BLMH: variants seen among roughly 807,000 people sequenced by gnomAD.
The protein encoded by BLMH is BLM hydrolase.
A neutral mutation model predicts 61.6 loss-of-function variants in BLMH; 32 were observed. The observed-to-expected ratio is 0.52, with a 90% CI of 0.39 to 0.70. BLMH has a LOEUF of 0.70. BLMH is among the 30% of genes least tolerant of loss of function. The probability of loss-of-function intolerance (pLI) is 0.00; values close to 1 mark genes in which losing one functional copy is unlikely to be tolerated. For synonymous variants in BLMH, 183 were observed against 193.8 expected (o/e 0.94, Z 0.46); for missense variants, 460 against 555.5 (o/e 0.83, Z 1.73).
chr17:30,291,838 CG>C lies in BLMH; in HGVS notation c.-20del. The C allele has an allele frequency of 9.0e-6, 12 of 1,336,606 alleles. No individual in the cohort carries two copies. The highest frequency in any genetic ancestry group is 1.1e-5 in the Non-Finnish European group (12 of 1,047,918). The allele number at this position is 1,336,606 out of a possible 1,614,324, so 82.8% of individuals were successfully genotyped here. ...TGCTCATGGCGCCCACGCTGCCCGGCGGGGTAACGGTAGCTTCCAGGGTCCT... is the reference window on the plus strand; with the variant it reads ...TGCTCATGGCGCCCACGCTGCCCGGCGGGTAACGGTAGCTTCCAGGGTCCT... On this transcript the variant is annotated 5_prime_UTR_variant, in exon 1 of 12. Coordinates refer to ENST00000261714, the MANE Select transcript of BLMH (RefSeq NM_000386.4).
intron 1 of BLMH, 47 bp from the exon 2 acceptor site, chr17:30,291,555 G>A: frequency 6.3e-7 from 1 of 1,598,612 alleles, no homozygotes; most frequent in Non-Finnish European, 8.6e-7. Flanking sequence ...AGGGGGAAAG[G>A]GCTGATCTGG....
intron 11 of BLMH, among the ~76,000 whole-genome samples, chr17:30,253,412 T>C (rs1907724016): frequency 6.6e-6 from 1 of 152,222 alleles, no homozygotes; most frequent in African/African-American, 2.4e-5. Flanking sequence ...TATGAGTTCT[T>C]TGGGGACCCA....
rs966659125 is a variant in BLMH at position 30,262,796 on chromosome 17, A to C, written c.1216+4089T>G. Among the ~76,000 whole-genome samples the C allele has an allele frequency of 9.8e-5, 15 of 152,320 alleles. No homozygotes were observed. The East Asian group carries it at 1.2e-3, about 12-fold the overall frequency. On this transcript the variant is annotated intron_variant, in intron 11 of 11. Coordinates refer to ENST00000261714, the MANE Select transcript of BLMH (RefSeq NM_000386.4). ...GGCAACAGAGCAAGACTCCGTCTCA[A>C]AAAAGCAAAAACAAAACAAAACAAA... is the stretch of plus-strand genomic sequence containing the variant.
chr17:30,263,385 T>C (rs1908015562), intron 11 of BLMH, among the ~76,000 whole-genome samples: 1 of 152,242 alleles, frequency 6.6e-6, no homozygotes, highest in East Asian at 1.9e-4. Context: ...AAATGAAAGA[T>C]AATATATCAA....
At chr17:30,259,515 G>T (rs371218046) in intron 11 of BLMH, among the ~76,000 whole-genome samples, 2 of 152,120 alleles carry the variant, frequency 1.3e-5, no homozygotes, top group Non-Finnish European at 2.9e-5. Context: ...CCCACTGAGG[G>T]GAGGTACTCC....
At chr17:30,265,609 A>G (rs1283347899) in intron 11 of BLMH, among the ~76,000 whole-genome samples, 1 of 152,122 alleles carries the variant, frequency 6.6e-6, no homozygotes, top group Non-Finnish European at 1.5e-5. Flanking sequence ...TTGTTTCCAA[A>G]TATCTCTGAA....
intron 11 of BLMH, among the ~76,000 whole-genome samples, chr17:30,266,050 C>CT (rs779654540): frequency 6.6e-6 from 1 of 152,120 alleles, no homozygotes; most frequent in African/African-American, 2.4e-5. Flanking sequence ...TAAGTTATGA[C>CT]TTCTCCCTAG....
intron 2 of BLMH, among the ~76,000 whole-genome samples, 182 bp from the exon 3 acceptor site, chr17:30,289,664 C>G (rs534918954): frequency 6.6e-6 from 1 of 152,228 alleles, no homozygotes; most frequent in Non-Finnish European, 1.5e-5. Flanking sequence ...AATATATATG[C>G]AAAGGTTTAA....
intron 6 of BLMH, among the ~76,000 whole-genome samples, chr17:30,283,267 T>C (rs188935119): frequency 1.4e-4 from 22 of 152,230 alleles, no homozygotes; most frequent in African/African-American, 5.3e-4. Context: ...TTTGGTAAAG[T>C]TGGATCTACT....
chr17:30,272,679 T>C (rs1194143870), intron 8 of BLMH, 51 bp from the exon 9 acceptor site: 1 of 1,613,978 alleles, frequency 6.2e-7, no homozygotes, highest in African/African-American at 1.3e-5. Context: ...CATCTTCCTA[T>C]TATACCAAAG....
At chr17:30,271,032 A>T (rs1188978788) in intron 10 of BLMH, among the ~76,000 whole-genome samples, 1 of 152,232 alleles carries the variant, frequency 6.6e-6, no homozygotes, top group African/African-American at 2.4e-5. Flanking sequence ...AAAGTTACAG[A>T]AACAGTTACT....
chr17:30,287,039 G>A (rs143082397), intron 4 of BLMH, 137 bp from the exon 5 acceptor site: 2 of 591,980 alleles, frequency 3.4e-6, no homozygotes, highest in African/African-American at 3.8e-5. Flanking sequence ...ATGAAGCAGG[G>A]TTTTTTGTTT....
chr17:30,271,276 C>A lies in BLMH; in HGVS notation c.1141G>T (p.Glu381Ter), dbSNP rs137881719. 420 of 1,610,190 alleles carry A rather than the reference C, an allele frequency of 2.6e-4. 1 individual carries two copies. Among genetic ancestry groups the A allele is most frequent in the Admixed American group, 4.0e-4 (24 of 60,008 alleles). ...THAMTFTAVS[E>*]KDDQDGAFTK... ...AGGCATGCTGAGGGTCATACCTTCTCTGAGACAGCAGTGAAGGTCATGGCG... is the reference window on the plus strand; with the variant it reads ...AGGCATGCTGAGGGTCATACCTTCTATGAGACAGCAGTGAAGGTCATGGCG... The change falls in exon 10 of 12, where the codon GAG (glutamate) becomes TAG (stop). Residue 381 changes from glutamate (E) to a stop codon, truncating the protein, a stop_gained. Transcript: ENST00000261714. LOFTEE classifies it high-confidence loss of function.
chr17:30,248,799 T>C lies in BLMH; in HGVS notation c.*218A>G, dbSNP rs1043718462. On this transcript the variant is annotated 3_prime_UTR_variant, in exon 12 of 12. Coordinates refer to ENST00000261714, the MANE Select transcript of BLMH (RefSeq NM_000386.4). ...AGCTGTTAGAGATGAGGAGAGTAGA[T>C]AGTATGACCTGATCTTCCCCCCTCT... 1.5e-5 allele frequency: 8 copies of C among 542,972 alleles called. No individual in the cohort carries two copies. Among genetic ancestry groups the C allele is most frequent in the African/African-American group, 5.7e-5 (3 of 52,322 alleles). The allele number at this position is 542,972 out of a possible 1,614,324, so 33.6% of individuals were successfully genotyped here. A position where few individuals can be genotyped will look rare whatever the true frequency, so the allele number is the denominator to read the frequency against.
intron 5 of BLMH, among the ~76,000 whole-genome samples, chr17:30,286,466 G>C (rs1034045737): frequency 3.2e-4 from 49 of 152,284 alleles, no homozygotes; most frequent in African/African-American, 9.9e-4. Flanking sequence ...GGTTTTACTA[G>C]CACATAAAGC....
chr17:30,256,793 A>C (rs1249313051), intron 11 of BLMH, among the ~76,000 whole-genome samples: 5 of 152,174 alleles, frequency 3.3e-5, no homozygotes, highest in Non-Finnish European at 7.4e-5. Flanking sequence ...CTCAATGAAA[A>C]ACTCCATTAC....
chr17:30,272,723 T>C lies in BLMH; in HGVS notation c.960+18A>G. ...GATGTTTTAACCCCAATGTGCAAAA[T>C]ACAGAAACAATACCAACCTCTCCAT... is the stretch of plus-strand genomic sequence containing the variant. On this transcript the variant is annotated intron_variant, in intron 8 of 11. Transcript: ENST00000261714. 3 of 1,614,088 alleles carry C rather than the reference T, an allele frequency of 1.9e-6. No homozygotes were observed. Among genetic ancestry groups the C allele is most frequent in the Non-Finnish European group, 2.5e-6 (3 of 1,180,018 alleles).
At chr17:30,266,234 A>G (rs985562190) in intron 11 of BLMH, among the ~76,000 whole-genome samples, 23 of 152,150 alleles carry the variant, frequency 1.5e-4, no homozygotes, top group Admixed American at 1.4e-3. Context: ...GTAGTAGATG[A>G]AAATACATCA....
chr17:30,265,916 T>G (rs562683793), intron 11 of BLMH, among the ~76,000 whole-genome samples: 3 of 152,320 alleles, frequency 2.0e-5, no homozygotes, highest in Admixed American at 1.3e-4. Flanking sequence ...TACAATAATA[T>G]ACCCTAAACT....
Sources: allele counts gnomAD v4.1 joint callset (sites outside exome capture counted in the v4.1 genomes callset), GRCh38; gene constraint gnomAD v4.1.1; transcripts MANE v1.5; gene names NCBI Gene and HGNC (gene_info 2026-07-23, HGNC 2026-07-21).